Variants in SGCZ observed in about 807,000 individuals in gnomAD.
SGCZ encodes the protein zeta-sarcoglycan.
Under a neutral mutation model 41.3 loss-of-function variants are expected in SGCZ, and 40 were observed. That is an observed-to-expected ratio of 0.97 (90% CI 0.75 to 1.26). SGCZ has a LOEUF of 1.26. Among genes scored for constraint, SGCZ ranks in the 50% most tolerant of loss-of-function variants. The pLI, the probability that SGCZ is intolerant of heterozygous loss-of-function variation, is 0.00. For missense variants in SGCZ, 552 were observed against 369.8 expected, an observed-to-expected ratio of 1.49 and a Z score of -4.04; for synonymous variants, 206 against 137.5, an observed-to-expected ratio of 1.50 and a Z score of -3.49.
intron 1 of SGCZ, among the ~76,000 whole-genome samples, chr8:14,723,331 A>C (rs1412701531): frequency 6.6e-6 from 1 of 152,166 alleles, no homozygotes; most frequent in African/African-American, 2.4e-5. Context: ...GGCCCTGAAA[A>C]GCTCTTGGGG....
At chr8:14,655,724 T>A (rs1807544280) in intron 1 of SGCZ, among the ~76,000 whole-genome samples, 1 of 152,094 alleles carries the variant, frequency 6.6e-6, no homozygotes, top group African/African-American at 2.4e-5. Context: ...AATATTTCCA[T>A]CACAATAAGA....
chr8:14,629,126 G>A (rs574903905), intron 1 of SGCZ, among the ~76,000 whole-genome samples: 3 of 152,134 alleles, frequency 2.0e-5, no homozygotes, highest in East Asian at 3.9e-4. Flanking sequence ...GCAGAAAATT[G>A]AAGCCCCTAT....
intron 3 of SGCZ, among the ~76,000 whole-genome samples, chr8:14,238,465 A>C (rs1806847592): frequency 6.6e-6 from 1 of 152,200 alleles, no homozygotes; most frequent in South Asian, 2.1e-4. Flanking sequence ...ACAATATCTG[A>C]TTTTTGTAAA....
chr8:14,327,124 A>T (rs2117041212), intron 2 of SGCZ, among the ~76,000 whole-genome samples: 1 of 152,326 alleles, frequency 6.6e-6, no homozygotes. Context: ...TAAACTAATG[A>T]TGAAGGTCAA....
intron 3 of SGCZ, among the ~76,000 whole-genome samples, chr8:14,294,590 C>T (rs528774285): frequency 2.6e-5 from 4 of 151,998 alleles, no homozygotes; most frequent in Admixed American, 2.0e-4. Flanking sequence ...GTTAGGGATG[C>T]TCTGATTCTT....
At chr8:15,141,413 G>C (rs531237375) in intron 1 of SGCZ, among the ~76,000 whole-genome samples, 2 of 152,232 alleles carry the variant, frequency 1.3e-5, no homozygotes, top group Non-Finnish European at 2.9e-5. Context: ...CCTGGAGTTT[G>C]GGAGCACAGA....
In SGCZ at chr8:14,159,314, G is replaced by A. The variant is rs116776269; in HGVS notation, c.547+5266C>T. Among the ~76,000 whole-genome samples, 1,417 of 152,144 alleles carry A rather than the reference G, an allele frequency of 9.3e-3. 26 individuals carry two copies. The highest frequency in any genetic ancestry group is 0.033 in the African/African-American group (1,364 of 41,498). ...TTATGACTGTTCTCCCATTTCACCTGTTATTTAATTATATTTTCAAGAAGT... is the reference window on the plus strand; with the variant it reads ...TTATGACTGTTCTCCCATTTCACCTATTATTTAATTATATTTTCAAGAAGT... On this transcript the variant is annotated intron_variant, in intron 5 of 7. Transcript: ENST00000382080.
chr8:15,093,981 T>C (rs530388532), intron 1 of SGCZ, among the ~76,000 whole-genome samples: 15 of 152,284 alleles, frequency 9.9e-5, no homozygotes, highest in African/African-American at 3.6e-4. Context: ...GACCTCATTC[T>C]CATGAACAAT....
chr8:15,099,927 AAAATTAGGAAT>A (rs2131079487), intron 1 of SGCZ, among the ~76,000 whole-genome samples: 1 of 145,276 alleles, frequency 6.9e-6, no homozygotes, highest in South Asian at 2.3e-4. Context: ...AACTCTCAGC[AAAATTAGGAAT>A]AAAAGGGAAC....
At chr8:14,724,356 G>T (rs1239691570) in intron 1 of SGCZ, among the ~76,000 whole-genome samples, 2 of 151,632 alleles carry the variant, frequency 1.3e-5, no homozygotes, top group African/African-American at 4.8e-5. Flanking sequence ...TATTTCTATT[G>T]TGAAGTCTTT....
At chr8:14,318,260 G>T (rs979951) in intron 3 of SGCZ, among the ~76,000 whole-genome samples, 1 of 151,684 alleles carries the variant, frequency 6.6e-6, no homozygotes, top group Non-Finnish European at 1.5e-5. Context: ...GCAAGAAAAG[G>T]AAGAGATAGA....
chr8:14,434,503 G>C (rs1444350517), intron 2 of SGCZ, among the ~76,000 whole-genome samples: 1 of 152,148 alleles, frequency 6.6e-6, no homozygotes, highest in Non-Finnish European at 1.5e-5. Context: ...ATTGTGTGAA[G>C]AATGGTAGTG....
At chr8:14,688,689 G>C (rs536483967) in intron 1 of SGCZ, among the ~76,000 whole-genome samples, 159 of 152,154 alleles carry the variant, frequency 1.0e-3, no homozygotes, top group African/African-American at 3.7e-3. Context: ...CTCTTTTTTG[G>C]TGCCATATGA....
intron 1 of SGCZ, among the ~76,000 whole-genome samples, chr8:15,162,655 T>C (rs140663525): frequency 9.3e-4 from 142 of 152,316 alleles, no homozygotes; most frequent in Admixed American, 2.0e-3. Flanking sequence ...GTTAGGAAAA[T>C]TCTGGCTCTC....
intron 1 of SGCZ, among the ~76,000 whole-genome samples, chr8:15,129,949 T>G (rs1377054883): frequency 6.6e-6 from 1 of 152,026 alleles, no homozygotes. Flanking sequence ...CATATACATA[T>G]GTATATATTT....
At chr8:15,153,358 C>G (rs1272768944) in intron 1 of SGCZ, among the ~76,000 whole-genome samples, 7 of 152,098 alleles carry the variant, frequency 4.6e-5, no homozygotes, top group African/African-American at 1.7e-4. Context: ...GAATGTGCAC[C>G]TCATATTTAA....
At chr8:15,059,101 T>G (rs1804822009) in intron 1 of SGCZ, among the ~76,000 whole-genome samples, 1 of 152,150 alleles carries the variant, frequency 6.6e-6, no homozygotes, top group South Asian at 2.1e-4. Context: ...TGTCTAAAGT[T>G]GTTACGATAT....
intron 5 of SGCZ, among the ~76,000 whole-genome samples, chr8:14,149,073 A>G (rs975050354): frequency 5.3e-5 from 8 of 152,144 alleles, no homozygotes; most frequent in African/African-American, 1.9e-4. Flanking sequence ...ACCCACAGCT[A>G]GTATCATAGT....
intron 1 of SGCZ, among the ~76,000 whole-genome samples, chr8:14,605,812 G>T (rs1805730701): frequency 6.6e-6 from 1 of 152,128 alleles, no homozygotes; most frequent in Admixed American, 6.6e-5. Context: ...AAACATACTG[G>T]AATCTTATGT....
Sources: gnomAD v4.1 joint callset for allele counts (sites outside exome capture counted in the v4.1 genomes callset) on GRCh38, gnomAD v4.1.1 for gene constraint, MANE v1.5 for transcripts, NCBI Gene and HGNC (gene_info 2026-07-23, HGNC 2026-07-21) for gene names.